The following IK variants were observed in gnomAD, a reference collection of about 807,000 sequenced individuals.
The protein encoded by IK is IK cytokine.
In IK, 47 loss-of-function variants were observed where a neutral mutation model predicts 90.9. The observed-to-expected ratio is 0.52, with a 90% CI of 0.41 to 0.66. The LOEUF (loss-of-function observed/expected upper bound fraction) is 0.66, where lower values mean the gene tolerates loss of function less well. IK is among the 30% of genes least tolerant of loss of function. The pLI is 0.00. For synonymous variants in IK, 201 were observed against 227.5 expected, an observed-to-expected ratio of 0.88 and a Z score of 1.05; for missense variants, 385 against 709.3, an observed-to-expected ratio of 0.54 and a Z score of 5.19.
chr5:140,650,612 T>C (rs888379316), intron 2 of IK, among the ~76,000 whole-genome samples: 13 of 152,112 alleles, frequency 8.5e-5, no homozygotes, highest in African/African-American at 3.1e-4. Flanking sequence ...GTCTTGCTCT[T>C]TTTGCCCAGG....
chr5:140,648,392 T>G, intron 1 of IK, 79 bp from the exon 2 acceptor site: 1 of 1,259,576 alleles, frequency 7.9e-7, no homozygotes, highest in South Asian at 1.2e-5. Context: ...TCTGTATTGT[T>G]CACTACTATA....
At chr5:140,649,638 C>G (rs1757580708) in intron 2 of IK, among the ~76,000 whole-genome samples, 1 of 152,196 alleles carries the variant, frequency 6.6e-6, no homozygotes, top group South Asian at 2.1e-4. Context: ...TGGGCTCAAG[C>G]AATTCTTCTG....
chr5:140,661,556 G>A lies in IK; in HGVS notation c.1414-64G>A. The A allele has an allele frequency of 9.1e-7, 1 of 1,096,750 alleles. No homozygotes were observed. The highest frequency in any genetic ancestry group is 1.4e-6 in the Non-Finnish European group (1 of 739,082). 67.9% of individuals were successfully genotyped at this position (1,096,750 alleles called of 1,614,324 possible). A position where few individuals can be genotyped will look rare whatever the true frequency, so the allele number is the denominator to read the frequency against. On this transcript the variant is annotated intron_variant, in intron 16 of 19. Transcript: ENST00000417647. The surrounding 1 kb of genome is among the most constrained non-coding windows in gnomAD (Gnocchi z 4.2). ...ATGGGAGAGTCTGGCTTCAATCAAG[G>A]GCTGAAATTCCATTTCCACTGACAT...
At position 140,661,025 on chromosome 5, in the gene IK, A is replaced by G. The variant is rs1231519725; in HGVS notation, c.1413+210A>G. 5 of 476,282 alleles carry G rather than the reference A, an allele frequency of 1.0e-5. No individual in the cohort carries two copies. Among genetic ancestry groups the G allele is most frequent in the South Asian group, 4.6e-5 (1 of 21,978 alleles). The allele number at this position is 476,282 out of a possible 1,614,324, so 29.5% of individuals were successfully genotyped here. On this transcript the variant is annotated intron_variant, in intron 16 of 19. Transcript: ENST00000417647. The surrounding 1 kb of genome is among the most constrained non-coding windows in gnomAD (Gnocchi z 4.2). ...TCAAATGACATAGGGTCAAAAATCT[A>G]TTTTTTACTTCCTATAGCAAAGTGC...
intron 1 of IK, 56 bp from the exon 2 acceptor site, chr5:140,648,415 G>T: frequency 5.9e-6 from 9 of 1,512,866 alleles, no homozygotes; most frequent in Non-Finnish European, 8.3e-6. Context: ...TCAAATTTTT[G>T]CATAGGATCT....
Position 140,654,451 on chromosome 5 carries a change from T to C in IK, c.520-65T>C. ...TATATTCTTAGTTCCTGGTACAGTG[T>C]GGTGTAGTGGATGTTCAATAAATAT... is the stretch of plus-strand genomic sequence containing the variant. On this transcript the variant is annotated intron_variant, in intron 6 of 19. Transcript: ENST00000417647. 3.4e-6 allele frequency: 4 copies of C among 1,177,854 alleles called. No homozygotes were observed. In the South Asian group the frequency reaches 4.0e-5, roughly 12 times the overall value. 73.0% of individuals were successfully genotyped at this position (1,177,854 alleles called of 1,614,324 possible).
chr5:140,649,962 C>A (rs184548056), intron 2 of IK, among the ~76,000 whole-genome samples: 37 of 152,260 alleles, frequency 2.4e-4, no homozygotes, highest in Non-Finnish European at 4.4e-4. Flanking sequence ...CAACTTGCTT[C>A]TTTTTAAACC....
chr5:140,653,275 A>C, intron 5 of IK, 131 bp downstream of exon 5: 2 of 674,426 alleles, frequency 3.0e-6, no homozygotes, highest in Non-Finnish European at 4.8e-6. Context: ...TGCCACCCAC[A>C]AAGGGCTGTT....
rs373716933 is a variant in IK, at chr5:140,661,196, GA to G, written c.1413+388del. 9.5e-5 allele frequency: 24 copies of G among 253,716 alleles called. No homozygotes were observed. The highest frequency in any genetic ancestry group is 1.6e-4 in the Non-Finnish European group (21 of 134,646). 15.7% of individuals were successfully genotyped at this position (253,716 alleles called of 1,614,324 possible). On this transcript the variant is annotated intron_variant, in intron 16 of 19. Transcript: ENST00000417647. This position sits in a 1 kb window ranked among gnomAD's most constrained non-coding sequence, Gnocchi z 4.2. ...TCTAAGTCTTAAGCAAAATTAAAAA[GA>G]AAAAAACCACTAATGCCACTAATAG...
chr5:140,652,919 T>C (rs781767754), intron 4 of IK, 58 bp from the exon 5 acceptor site: 7 of 1,536,824 alleles, frequency 4.6e-6, no homozygotes, highest in Non-Finnish European at 6.3e-6. Flanking sequence ...GGAACAGTTC[T>C]GTTGACCTTG....
At chr5:140,654,083 A>C in intron 6 of IK, 31 bp downstream of exon 6, 1 of 1,258,970 alleles carries the variant, frequency 7.9e-7, no homozygotes, top group Non-Finnish European at 1.2e-6. Flanking sequence ...GGGGAGTAAT[A>C]CTGTCGTGCT....
intron 5 of IK, among the ~76,000 whole-genome samples, 197 bp from the exon 6 acceptor site, chr5:140,653,741 A>T (rs1463291631): frequency 1.3e-5 from 2 of 151,706 alleles, no homozygotes; most frequent in African/African-American, 2.4e-5. Context: ...AGTAGCTGGG[A>T]CTACAGGCGC....
chr5:140,658,740 AG>A lies in IK; in HGVS notation c.915del (p.Lys305AsnfsTer12), dbSNP rs1472859624. The part of the protein sequence containing the change: ...NKKLKKKDKG[K>X]LEEKKPPEAD... Reference sequence around the variant, plus strand: ...GACTCCTCTCTTTAAATTTCAGGGAAGCTGGAAGAGAAGAAACCTCCTGAGG... The same window carrying A: ...GACTCCTCTCTTTAAATTTCAGGGAACTGGAAGAGAAGAAACCTCCTGAGG... On this transcript the variant is annotated frameshift_variant, in exon 11 of 20. Coordinates refer to ENST00000417647, the MANE Select transcript of IK (RefSeq NM_006083.4). LOFTEE classifies it high-confidence loss of function. 1 of 1,609,204 alleles carries A rather than the reference AG, an allele frequency of 6.2e-7. No individual in the cohort carries two copies. The highest frequency in any genetic ancestry group is 8.5e-7 in the Non-Finnish European group (1 of 1,177,302).
intron 15 of IK, chr5:140,660,402 A>T: frequency 1.9e-6 from 1 of 538,102 alleles, no homozygotes; most frequent in South Asian, 2.2e-5. Context: ...GGTTCAAGCG[A>T]TTCTCCTGCC....
Position 140,661,270 on chromosome 5 carries a change from T to C in IK, c.1414-350T>C. 3.6e-6 allele frequency: 1 copy of C among 280,768 alleles called. No individual in the cohort carries two copies. The highest frequency in any genetic ancestry group is 8.4e-5 in the East Asian group (1 of 11,854). 17.4% of individuals were successfully genotyped at this position (280,768 alleles called of 1,614,324 possible). On this transcript the variant is annotated intron_variant, in intron 16 of 19. Coordinates refer to ENST00000417647, the MANE Select transcript of IK (RefSeq NM_006083.4). This position sits in a 1 kb window ranked among gnomAD's most constrained non-coding sequence, Gnocchi z 4.2. ...CTGAGTTCACTGTATTGAAATAGCA[T>C]GGTTTAATCTTGGAGCCTTGTTTAA...
intron 1 of IK, 31 bp from the exon 2 acceptor site, chr5:140,648,440 T>C (rs1182363285): frequency 6.2e-7 from 1 of 1,608,804 alleles, no homozygotes; most frequent in Non-Finnish European, 8.5e-7. Context: ...CGTAAGAGAC[T>C]GATTAAATTA....
chr5:140,656,009 C>T lies in IK; in HGVS notation c.801+17C>T. 6.4e-7 allele frequency: 1 copy of T among 1,551,150 alleles called. No individual in the cohort carries two copies. The highest frequency in any genetic ancestry group is 8.7e-7 in the Non-Finnish European group (1 of 1,146,700). ...ACCATGGAGGTGAGTGAATGGAATCCTGAGAGCCTATCATGTGAGCCTCAA... is the reference window on the plus strand; with the variant it reads ...ACCATGGAGGTGAGTGAATGGAATCTTGAGAGCCTATCATGTGAGCCTCAA... On this transcript the variant is annotated intron_variant, in intron 9 of 19. Coordinates refer to ENST00000417647, the MANE Select transcript of IK (RefSeq NM_006083.4).
rs1270953242 is a variant in IK, at chr5:140,659,034, A to C, written c.1046A>C (p.Glu349Ala). 1 of 1,612,732 alleles carries C rather than the reference A, an allele frequency of 6.2e-7. No individual in the cohort carries two copies. The highest frequency in any genetic ancestry group is 1.3e-5 in the African/African-American group (1 of 74,920). Reference protein sequence around the residue: ...ERYRERERDRERDRDRDRERE... With the variant: ...ERYRERERDRARDRDRDRERE... ...TATCGGGAACGGGAGCGTGATCGGG[A>C]AAGAGACAGAGACCGTGACCGAGAG... Residue 349 changes from glutamate to alanine, a missense_variant, in exon 12 of 20, where the codon GAA becomes GCA. By Grantham distance (107) the Glu-to-Ala change is moderately radical. This residue lies in a region of IK where 139 missense variants were observed against 172.0 expected (regional missense o/e 0.81). Transcript: ENST00000417647.
Position 140,655,987 on chromosome 5 carries a change from A to T in IK, c.796A>T (p.Met266Leu). 3.2e-6 allele frequency: 5 copies of T among 1,552,072 alleles called. No individual in the cohort carries two copies. The highest frequency in any genetic ancestry group is 4.4e-6 in the Non-Finnish European group (5 of 1,147,144). The change falls in exon 9 of 20, where the codon ATG becomes TTG. Residue 266 changes from methionine (M) to leucine (L), a missense_variant. By Grantham distance (15) the Met-to-Leu change is conservative (BLOSUM62 2). Transcript: ENST00000417647. Reference sequence around the variant, plus strand: ...CCGCAGCAAGGCTGATTGCCCCACCATGGAGGTGAGTGAATGGAATCCTGA... The same window carrying T: ...CCGCAGCAAGGCTGATTGCCCCACCTTGGAGGTGAGTGAATGGAATCCTGA... ...LIRSKADCPT[M>L]EAQTTLTTND...
Sources: allele counts gnomAD v4.1 joint callset (sites outside exome capture counted in the v4.1 genomes callset), GRCh38; gene constraint gnomAD v4.1.1; regional missense constraint gnomAD v4.1.1; non-coding constraint Gnocchi (gnomAD v3.1); transcripts MANE v1.5; gene names NCBI Gene and HGNC (gene_info 2026-07-23, HGNC 2026-07-21).